Variants in TNRC6A observed in about 807,000 individuals in gnomAD.
TNRC6A encodes the protein trinucleotide repeat containing adaptor 6A, also known as trinucleotide repeat-containing gene 6A protein.
In TNRC6A, 44 loss-of-function variants were observed where a neutral mutation model predicts 221.2. The ratio of observed to expected loss-of-function variants is 0.20; its 90% CI spans 0.16 to 0.26. TNRC6A has a LOEUF of 0.26. Among genes scored for constraint, TNRC6A ranks in the 10% least tolerant of loss-of-function variants. The pLI is 1.00. For missense variants in TNRC6A, 2,199 were observed against 2,404.4 expected, an observed-to-expected ratio of 0.91 and a Z score of 1.79; for synonymous variants, 847 against 838.5, an observed-to-expected ratio of 1.01 and a Z score of -0.18.
chr16:24,707,930 G>A (rs2056128018), intron 2 of TNRC6A, among the ~76,000 whole-genome samples: 1 of 152,102 alleles, frequency 6.6e-6, no homozygotes, highest in Non-Finnish European at 1.5e-5. Flanking sequence ...GTGATGACAC[G>A]TGCCTGTAAT....
intron 2 of TNRC6A, among the ~76,000 whole-genome samples, chr16:24,736,066 G>A (rs1014095318): frequency 3.9e-5 from 6 of 152,184 alleles, no homozygotes; most frequent in African/African-American, 1.4e-4. Context: ...TTGTGAGGGT[G>A]AGGGAGGAGA....
rs1335000917 is a variant in TNRC6A at position 24,650,664 on chromosome 16, CA to C, written n.402+9668del. ...TGGGCGATAGAGTGAGACTCTGACT[CA>C]AAAAAAAAAAAAGAAAGAAAGAAAA... On this transcript the variant is annotated intron_variant and non_coding_transcript_variant, in intron 2 of 2. Coordinates refer to the TNRC6A transcript ENST00000566108. 8.7e-3 allele frequency among the ~76,000 whole-genome samples: 1,042 copies of C among 119,272 alleles called. 4 individuals carry two copies. Among genetic ancestry groups the C allele is most frequent in the African/African-American group, 0.024 (806 of 33,048 alleles). 78.2% of individuals were successfully genotyped at this position (119,272 alleles called of 152,430 possible). A position where few individuals can be genotyped will look rare whatever the true frequency, so the allele number is the denominator to read the frequency against.
chr16:24,774,258 T>G (rs1438674570), intron 4 of TNRC6A, among the ~76,000 whole-genome samples: 1 of 152,232 alleles, frequency 6.6e-6, no homozygotes, highest in Non-Finnish European at 1.5e-5. Context: ...TCTGCACTCA[T>G]TACTTCTATG....
Position 24,815,893 on chromosome 16 carries a change from G to A in TNRC6A, c.4831+588G>A, listed in dbSNP as rs117404179. The stretch of plus-strand genomic sequence containing the variant: ...GCTGTTTCTCGTAAGTTGTGTCAGG[G>A]AGTAACTTGCAGTATTTTCATTCAT... On this transcript the variant is annotated intron_variant, in intron 19 of 24. Transcript: ENST00000395799. 8.7e-3 allele frequency: 1,371 copies of A among 156,722 alleles called. 8 individuals carry two copies. The highest frequency in any genetic ancestry group is 0.014 in the Non-Finnish European group (973 of 70,524). 9.7% of individuals were successfully genotyped at this position (156,722 alleles called of 1,614,324 possible). A position where few individuals can be genotyped will look rare whatever the true frequency, so the allele number is the denominator to read the frequency against.
chr16:24,632,684 AAATCTACC>A (rs1168888762), intron 1 of TNRC6A, among the ~76,000 whole-genome samples: 1 of 152,080 alleles, frequency 6.6e-6, no homozygotes, highest in Non-Finnish European at 1.5e-5. Flanking sequence ...CCCCTACTCA[AAATCTACC>A]AATGAGTTGT....
chr16:24,722,165 C>T (rs1044232375), intron 2 of TNRC6A, among the ~76,000 whole-genome samples: 30 of 152,182 alleles, frequency 2.0e-4, no homozygotes, highest in African/African-American at 7.0e-4. Flanking sequence ...AACTCCTGTG[C>T]TTTGGGAGGC....
chr16:24,825,224 A>G lies in TNRC6A; in HGVS notation c.*1417A>G, dbSNP rs1235901186. The G allele has an allele frequency of 6.6e-6, 1 of 152,624 alleles. No individual in the cohort carries two copies. The highest frequency in any genetic ancestry group is 1.5e-5 in the Non-Finnish European group (1 of 68,044). 9.5% of individuals were successfully genotyped at this position (152,624 alleles called of 1,614,324 possible). On this transcript the variant is annotated 3_prime_UTR_variant, in exon 25 of 25. Coordinates refer to ENST00000395799, the MANE Select transcript of TNRC6A (RefSeq NM_014494.4). ...CCTTTTTTTGCCCACAAATGGTATT[A>G]TAATGCTTGCTTAGTCAAAGAAGAG...
Position 24,809,370 on chromosome 16 carries a change from G to A in TNRC6A, c.4561G>A (p.Val1521Ile). 6.5e-7 allele frequency: 1 copy of A among 1,538,156 alleles called. No individual in the cohort carries two copies. The highest frequency in any genetic ancestry group is 8.8e-7 in the Non-Finnish European group (1 of 1,135,286). ...TTCAGGCTTGAACTCAAACTTGAATGTAAATATGGATATGAACAGTATTAA... is the reference window on the plus strand; with the variant it reads ...TTCAGGCTTGAACTCAAACTTGAATATAAATATGGATATGAACAGTATTAA... ...FPIGLNSNLN[V>I]NMDMNSIKEP... Residue 1521 changes from valine (V) to isoleucine (I), a missense_variant, in exon 18 of 25, where the codon GTA becomes ATA. By Grantham distance (29) the Val-to-Ile change is conservative. Coordinates refer to ENST00000395799, the MANE Select transcript of TNRC6A (RefSeq NM_014494.4).
chr16:24,764,330 CTTT>C (rs938169376), intron 4 of TNRC6A, among the ~76,000 whole-genome samples: 3 of 142,008 alleles, frequency 2.1e-5, no homozygotes, highest in Non-Finnish European at 1.5e-5. Context: ...CTTTTCTTTT[CTTT>C]TTTTTTTTTT....
chr16:24,653,250 G>T (rs955714873), intron 2 of TNRC6A, among the ~76,000 whole-genome samples: 1 of 152,140 alleles, frequency 6.6e-6, no homozygotes. Context: ...CCTCAGAAAA[G>T]ACAACCACGA....
chr16:24,725,857 A>C (rs2056482511), upstream of TNRC6A, among the ~76,000 whole-genome samples: 1 of 151,990 alleles, frequency 6.6e-6, no homozygotes, highest in African/African-American at 2.4e-5. Flanking sequence ...AAAATTAGCC[A>C]GGTGTAGTGG....
chr16:24,729,840 A>G lies in TNRC6A; in HGVS notation c.-2A>G. On this transcript the variant is annotated 5_prime_UTR_variant, in exon 1 of 25. Transcript: ENST00000395799. Reference sequence around the variant, plus strand: ...CCCCACTTGCTCGTGCACTTTACACACATGAGGTGAGCGGAACAAGGGCCT... The same window carrying G: ...CCCCACTTGCTCGTGCACTTTACACGCATGAGGTGAGCGGAACAAGGGCCT... The G allele has an allele frequency of 7.3e-7, 1 of 1,374,198 alleles. No individual in the cohort carries two copies. The highest frequency in any genetic ancestry group is 9.5e-7 in the Non-Finnish European group (1 of 1,054,126). The allele number at this position is 1,374,198 out of a possible 1,614,324, so 85.1% of individuals were successfully genotyped here. A position where few individuals can be genotyped will look rare whatever the true frequency, so the allele number is the denominator to read the frequency against.
upstream of TNRC6A, among the ~76,000 whole-genome samples, chr16:24,725,156 A>G (rs2056470600): frequency 6.6e-6 from 1 of 152,160 alleles, no homozygotes; most frequent in Non-Finnish European, 1.5e-5. Flanking sequence ...AATGAAAATG[A>G]CAACACTAGC....
chr16:24,779,806 T>TTTTTG (rs1335349945), intron 5 of TNRC6A, among the ~76,000 whole-genome samples: 1 of 152,092 alleles, frequency 6.6e-6, no homozygotes, highest in Non-Finnish European at 1.5e-5. Context: ...TTGGCTTGGT[T>TTTTTG]TTTTGTTTTG....
At chr16:24,656,397 G>GCCT (rs1287034558) in intron 2 of TNRC6A, among the ~76,000 whole-genome samples, 2 of 150,370 alleles carry the variant, frequency 1.3e-5, no homozygotes, top group Non-Finnish European at 3.0e-5. Flanking sequence ...AACCCGGGAG[G>GCCT]CGGAGGTTGC....
intron 1 of TNRC6A, 63 bp from the exon 2 acceptor site, chr16:24,730,190 A>G: frequency 1.4e-6 from 2 of 1,455,678 alleles, no homozygotes; most frequent in East Asian, 2.8e-5. Flanking sequence ...CTCCGTTTTC[A>G]CGCGCATCTC....
intron 1 of TNRC6A, among the ~76,000 whole-genome samples, chr16:24,611,468 G>C (rs1447623479): frequency 6.6e-6 from 1 of 152,130 alleles, no homozygotes; most frequent in Non-Finnish European, 1.5e-5. Context: ...TCAAGTGATA[G>C]GAGGCACAGT....
In TNRC6A at chr16:24,696,452, C is replaced by T. The variant is rs188971095; in HGVS notation, n.403-54274C>T. Among the ~76,000 whole-genome samples the T allele has an allele frequency of 1.4e-3, 209 of 151,634 alleles. 1 individual carries two copies. Among genetic ancestry groups the T allele is most frequent in the African/African-American group, 4.9e-3 (204 of 41,382 alleles). On this transcript the variant is annotated intron_variant and non_coding_transcript_variant, in intron 2 of 2. Coordinates refer to the TNRC6A transcript ENST00000566108. ...CAATGGATCAGAAATGAGGGGTGGC[C>T]AGGCAAAGCAGCTTACGCCTGTAAT...
intron 5 of TNRC6A, among the ~76,000 whole-genome samples, chr16:24,785,090 G>T (rs2057936792): frequency 6.6e-6 from 1 of 152,132 alleles, no homozygotes; most frequent in Admixed American, 6.5e-5. Flanking sequence ...GCTAATCCTT[G>T]AAATAGTATC....
Sources: allele counts gnomAD v4.1 joint callset (sites outside exome capture counted in the v4.1 genomes callset), GRCh38; gene constraint gnomAD v4.1.1; transcripts MANE v1.5; gene names NCBI Gene and HGNC (gene_info 2026-07-23, HGNC 2026-07-21).